CCDC68: variants seen among roughly 807,000 people sequenced by gnomAD.
CCDC68 encodes the protein coiled-coil domain containing 68, also known as coiled-coil domain-containing protein 68.
CCDC68 carries 45 observed loss-of-function variants against 47.1 expected under a neutral mutation model. That is an observed-to-expected ratio of 0.96 (90% CI 0.75 to 1.23). The LOEUF is 1.23. CCDC68 is among the 50% of genes most tolerant of loss of function. The pLI is 0.00. For missense variants in CCDC68, 353 were observed against 373.6 expected (o/e 0.94, Z 0.45); for synonymous variants, 131 against 129.5 (o/e 1.01, Z -0.08).
intron 11 of CCDC68, among the ~76,000 whole-genome samples, chr18:54,906,086 T>G (rs1351620562): frequency 1.3e-5 from 2 of 152,156 alleles, no homozygotes; most frequent in African/African-American, 4.8e-5. Flanking sequence ...TACATTACAA[T>G]GTAATAAAAA....
chr18:54,933,135 G>T (rs2044291285), intron 7 of CCDC68, among the ~76,000 whole-genome samples: 1 of 152,156 alleles, frequency 6.6e-6, no homozygotes, highest in Admixed American at 6.5e-5. Context: ...AGGCTGGAGT[G>T]CTGTGGTGCA....
chr18:54,937,859 G>A, intron 5 of CCDC68, 98 bp downstream of exon 5: 2 of 1,011,066 alleles, frequency 2.0e-6, no homozygotes, highest in Non-Finnish European at 2.9e-6. Context: ...GGATGTGTGT[G>A]GACATCTCTC....
intron 10 of CCDC68, among the ~76,000 whole-genome samples, chr18:54,913,330 G>T (rs769412930): frequency 8.5e-4 from 130 of 152,296 alleles, no homozygotes; most frequent in Non-Finnish European, 1.5e-3. Flanking sequence ...GGGTTTAAAA[G>T]GTTGTTCAAG....
chr18:54,942,433 C>A (rs867944562), intron 3 of CCDC68, among the ~76,000 whole-genome samples: 6 of 152,168 alleles, frequency 3.9e-5, no homozygotes, highest in African/African-American at 1.4e-4. Flanking sequence ...ACCCTCCTGG[C>A]CCATTATTCA....
At chr18:54,914,098 A>G (rs2043902579) in intron 10 of CCDC68, among the ~76,000 whole-genome samples, 1 of 152,216 alleles carries the variant, frequency 6.6e-6, no homozygotes, top group Admixed American at 6.5e-5. Context: ...TCATAGCCAC[A>G]TACCCAGCAC....
At chr18:54,914,642 AAAAG>A (rs1217546623) in intron 10 of CCDC68, among the ~76,000 whole-genome samples, 7 of 152,180 alleles carry the variant, frequency 4.6e-5, no homozygotes, top group Admixed American at 2.0e-4. Flanking sequence ...AGAAAAAAGA[AAAAG>A]AAAACACTGG....
intron 7 of CCDC68, among the ~76,000 whole-genome samples, chr18:54,930,846 G>C (rs971657876): frequency 6.6e-6 from 1 of 151,234 alleles, no homozygotes; most frequent in African/African-American, 2.4e-5. Context: ...AGCCTCCCGA[G>C]TAGCTGGGAT....
intron 9 of CCDC68, 55 bp downstream of exon 9, chr18:54,919,216 G>T (rs2044009344): frequency 7.4e-7 from 1 of 1,348,030 alleles, no homozygotes; most frequent in South Asian, 1.2e-5. Context: ...CTCGTATTTG[G>T]GCTCCACGCT....
At chr18:54,928,590 G>A (rs558105164) in intron 8 of CCDC68, among the ~76,000 whole-genome samples, 62 of 152,236 alleles carry the variant, frequency 4.1e-4, no homozygotes, top group Middle Eastern at 3.4e-3. Flanking sequence ...CTCTGCCCCC[G>A]GCTCCCAACT....
intron 7 of CCDC68, among the ~76,000 whole-genome samples, chr18:54,930,919 T>A (rs929854067): frequency 6.6e-6 from 1 of 151,454 alleles, no homozygotes; most frequent in African/African-American, 2.4e-5. Context: ...GGTTTCTCCA[T>A]GTTGGTCAGG....
chr18:54,958,660 C>T (rs530994332), intron 1 of CCDC68, among the ~76,000 whole-genome samples: 2 of 152,278 alleles, frequency 1.3e-5, no homozygotes, highest in East Asian at 1.9e-4. Context: ...TGAAAATTCA[C>T]AGCTATGTTA....
At chr18:54,948,322 G>A (rs1259217200) in intron 1 of CCDC68, among the ~76,000 whole-genome samples, 1 of 152,174 alleles carries the variant, frequency 6.6e-6, no homozygotes, top group African/African-American at 2.4e-5. Context: ...AGGCAGAGAT[G>A]TAGCGATGCT....
chr18:54,911,020 C>T (rs1041594841), intron 10 of CCDC68, among the ~76,000 whole-genome samples: 1 of 152,194 alleles, frequency 6.6e-6, no homozygotes, highest in East Asian at 1.9e-4. Context: ...CTCTTGTGGG[C>T]TCCATGGAGA....
At position 54,944,865 on chromosome 18, in the gene CCDC68, A is replaced by G. The variant is rs369957307; in HGVS notation, c.-13+523T>C. On this transcript the variant is annotated intron_variant, in intron 2 of 11. Transcript: ENST00000591504. Reference sequence around the variant, plus strand: ...AGGAAACTTTAACCTGAGAGACACCATTAATCAATCTTAACATAAATTAAG... The same window carrying G: ...AGGAAACTTTAACCTGAGAGACACCGTTAATCAATCTTAACATAAATTAAG... Among the ~76,000 whole-genome samples the G allele has an allele frequency of 1.8e-3, 268 of 152,350 alleles. 1 individual carries two copies. The South Asian group carries it at 0.025, about 14-fold the overall frequency.
rs375580917 is a variant in CCDC68 at position 54,948,715 on chromosome 18, G to A, written c.-102-3238C>T. Reference sequence around the variant, plus strand: ...TTTCGTAGGATTTTCAGTACAAAGGGAGAGACAGACATTAAACAAACGAGT... The same window carrying A: ...TTTCGTAGGATTTTCAGTACAAAGGAAGAGACAGACATTAAACAAACGAGT... On this transcript the variant is annotated intron_variant, in intron 1 of 11. Transcript: ENST00000591504. Among the ~76,000 whole-genome samples, 8 of 152,236 alleles carry A rather than the reference G, an allele frequency of 5.3e-5. No homozygotes were observed. In the South Asian group the frequency reaches 8.3e-4, roughly 16 times the overall value.
intron 10 of CCDC68, among the ~76,000 whole-genome samples, chr18:54,914,545 G>A (rs2043911945): frequency 1.3e-5 from 2 of 152,078 alleles, no homozygotes; most frequent in Non-Finnish European, 2.9e-5. Flanking sequence ...TTGAACCCGG[G>A]AGGCCAAGGC....
At chr18:54,920,696 A>T (rs2044042889) in intron 8 of CCDC68, among the ~76,000 whole-genome samples, 1 of 152,248 alleles carries the variant, frequency 6.6e-6, no homozygotes, top group Non-Finnish European at 1.5e-5. Context: ...AAAAAATAAC[A>T]GATGTTGGCA....
rs2145318118 is a variant in CCDC68 at position 54,901,789 on chromosome 18, A to G, written c.*2569T>C. 1 of 152,366 alleles carries G rather than the reference A, an allele frequency of 6.6e-6. No individual in the cohort carries two copies. Among genetic ancestry groups the G allele is most frequent in the East Asian group, 1.9e-4 (1 of 5,194 alleles). The allele number at this position is 152,366 out of a possible 1,614,324, so 9.4% of individuals were successfully genotyped here. A position where few individuals can be genotyped will look rare whatever the true frequency, so the allele number is the denominator to read the frequency against. The stretch of plus-strand genomic sequence containing the variant: ...AATTAGAAGTACATTATTTGGAATA[A>G]AACTGAACTAGTGTTTCTTTTCCTA... On this transcript the variant is annotated 3_prime_UTR_variant, in exon 12 of 12. Coordinates refer to ENST00000591504, the MANE Select transcript of CCDC68 (RefSeq NM_025214.3).
intron 7 of CCDC68, among the ~76,000 whole-genome samples, chr18:54,932,955 T>G (rs1456566646): frequency 1.3e-5 from 2 of 152,210 alleles, no homozygotes; most frequent in African/African-American, 4.8e-5. Context: ...CCTAGTTCTA[T>G]GCTACACATG....
Sources: allele counts gnomAD v4.1 joint callset (sites outside exome capture counted in the v4.1 genomes callset), GRCh38; gene constraint gnomAD v4.1.1; transcripts MANE v1.5; gene names NCBI Gene and HGNC (gene_info 2026-07-23, HGNC 2026-07-21).